The following BABAM2 variants were observed in gnomAD, a reference collection of about 807,000 sequenced individuals.
BABAM2 encodes BRISC and BRCA1 A complex member 2.
BABAM2 carries 31 observed loss-of-function variants against 54.7 expected under a neutral mutation model. That is an observed-to-expected ratio of 0.57 (90% confidence interval 0.43 to 0.77). The LOEUF is 0.77. BABAM2 is among the 30% of genes least tolerant of loss of function. The pLI, the probability that BABAM2 is intolerant of heterozygous loss-of-function variation, is 0.00. For missense variants in BABAM2, 364 were observed against 455.8 expected (o/e 0.80, Z 1.83); for synonymous variants, 167 against 162.9 (o/e 1.03, Z -0.19).
chr2:28,260,299 CTTTTTTTTT>C (rs965855673), intron 10 of BABAM2, among the ~76,000 whole-genome samples: 1 of 120,426 alleles, frequency 8.3e-6, no homozygotes, highest in Non-Finnish European at 1.8e-5. Context: ...TATTTCTTTT[CTTTTTTTTT>C]TTTTTTTTTT....
chr2:28,329,865 C>A lies in BABAM2; in HGVS notation c.1089-8585C>A, dbSNP rs1418384919. The stretch of plus-strand genomic sequence containing the variant: ...GCATTATCCTGATACCAAAACCTGG[C>A]AGAGATACAACAAAAAAAGAAAATG... On this transcript the variant is annotated intron_variant, in intron 11 of 11. Transcript: ENST00000379624. This position sits in a 1 kb window ranked among gnomAD's most constrained non-coding sequence, Gnocchi z 4.2. Among the ~76,000 whole-genome samples, 2 of 152,092 alleles carry A rather than the reference C, an allele frequency of 1.3e-5. No homozygotes were observed. The highest frequency in any genetic ancestry group is 4.8e-5 in the African/African-American group (2 of 41,404).
chr2:28,304,303 G>A lies in BABAM2; in HGVS notation c.1088+5812G>A, dbSNP rs898815702. Among the ~76,000 whole-genome samples the A allele has an allele frequency of 3.3e-5, 5 of 151,596 alleles. No homozygotes were observed. The highest frequency in any genetic ancestry group is 1.9e-4 in the East Asian group (1 of 5,174). ...ACTCCTGACTTCAGGTGATCCACCC[G>A]CCTCGGCCTCCCAAAGTGCTGGCAT... On this transcript the variant is annotated intron_variant, in intron 11 of 11. Transcript: ENST00000379624. This position sits in a 1 kb window ranked among gnomAD's most constrained non-coding sequence, Gnocchi z 4.0.
At chr2:28,132,760 A>G (rs974277008) in intron 7 of BABAM2, among the ~76,000 whole-genome samples, 1 of 152,294 alleles carries the variant, frequency 6.6e-6, no homozygotes, top group Non-Finnish European at 1.5e-5. Context: ...TATTAATCTT[A>G]TAATCTATAT....
At chr2:28,064,843 G>T (rs1679177411) in intron 6 of BABAM2, among the ~76,000 whole-genome samples, 1 of 151,944 alleles carries the variant, frequency 6.6e-6, no homozygotes, top group African/African-American at 2.4e-5. Flanking sequence ...CTCTACTAAA[G>T]AATACAAAAA....
At chr2:28,157,981 A>G (rs1319240266) in intron 7 of BABAM2, among the ~76,000 whole-genome samples, 1 of 152,202 alleles carries the variant, frequency 6.6e-6, no homozygotes. Context: ...CCCACCTACT[A>G]ATGATATAAT....
intron 11 of BABAM2, among the ~76,000 whole-genome samples, chr2:28,315,637 T>A (rs761201264): frequency 2.7e-5 from 4 of 150,698 alleles, no homozygotes; most frequent in Non-Finnish European, 5.9e-5. Flanking sequence ...TGGGCTGATT[T>A]TTTATTTATT....
At chr2:28,176,568 T>TTAAAAAAA (rs1674973519) in intron 7 of BABAM2, among the ~76,000 whole-genome samples, 1 of 570 alleles carries the variant, frequency 1.8e-3, no homozygotes, top group Non-Finnish European at 5.4e-3. Flanking sequence ...AGACTCTATC[T>TTAAAAAAA]CAAAAAAAAA....
chr2:28,048,693 A>G (rs1677785789), intron 6 of BABAM2, among the ~76,000 whole-genome samples: 1 of 152,160 alleles, frequency 6.6e-6, no homozygotes, highest in Non-Finnish European at 1.5e-5. Flanking sequence ...TCAGTTGTGT[A>G]CCCCTGAACT....
chr2:28,094,907 CTTTTTTTTTTTTT>C (rs202097046), intron 6 of BABAM2, among the ~76,000 whole-genome samples: 2 of 130,662 alleles, frequency 1.5e-5, no homozygotes, highest in Admixed American at 7.8e-5. Flanking sequence ...GCTCCCTCTT[CTTTTTTTTTTTTT>C]TTTCACAATG....
intron 6 of BABAM2, among the ~76,000 whole-genome samples, chr2:28,091,793 A>G (rs1305325773): frequency 6.6e-6 from 1 of 152,194 alleles, no homozygotes; most frequent in Admixed American, 6.5e-5. Context: ...TGGGAAAATA[A>G]TATTTTGTCA....
chr2:28,230,442 G>A (rs1390693791), intron 7 of BABAM2, among the ~76,000 whole-genome samples: 9 of 151,718 alleles, frequency 5.9e-5, no homozygotes, highest in Admixed American at 3.9e-4. Flanking sequence ...AAGTCCGGGC[G>A]TGATGGCTCA....
intron 2 of BABAM2, among the ~76,000 whole-genome samples, chr2:27,905,252 T>C (rs1666105111): frequency 6.6e-6 from 1 of 152,096 alleles, no homozygotes; most frequent in African/African-American, 2.4e-5. Flanking sequence ...GGGCAGAAGC[T>C]GGAAGTCAGA....
chr2:28,288,704 T>C (rs1687026821), intron 10 of BABAM2, among the ~76,000 whole-genome samples: 1 of 152,258 alleles, frequency 6.6e-6, no homozygotes, highest in Non-Finnish European at 1.5e-5. Context: ...TTTTCCTTTC[T>C]ATGAGATATT....
At chr2:28,070,551 C>CTTTTTTTTTT (rs779324534) in intron 6 of BABAM2, among the ~76,000 whole-genome samples, 5 of 85,864 alleles carry the variant, frequency 5.8e-5, no homozygotes, top group African/African-American at 6.4e-5. Flanking sequence ...AAGTACTTTT[C>CTTTTTTTTTT]TTTTCTTTTT....
chr2:28,067,187 C>T (rs1255483120), intron 6 of BABAM2, among the ~76,000 whole-genome samples: 1 of 152,232 alleles, frequency 6.6e-6, no homozygotes, highest in East Asian at 1.9e-4. Flanking sequence ...CTGCCTCTGC[C>T]TCCCACAGTG....
chr2:27,953,935 G>T (rs2148413347), intron 3 of BABAM2, among the ~76,000 whole-genome samples: 1 of 152,276 alleles, frequency 6.6e-6, no homozygotes, highest in African/African-American at 2.4e-5. Context: ...GCTAGCCTGA[G>T]GAGAAAGAGA....
In BABAM2 at chr2:28,304,384, A is replaced by T. The variant is rs1688345329; in HGVS notation, c.1088+5893A>T. The stretch of plus-strand genomic sequence containing the variant: ...TTTTGCTTTTATTGTAAATTATATA[A>T]AAATATAAATATAAAATATTTATAA... On this transcript the variant is annotated intron_variant, in intron 11 of 11. Transcript: ENST00000379624. The surrounding 1 kb of genome is among the most constrained non-coding windows in gnomAD (Gnocchi z 4.0). Among the ~76,000 whole-genome samples the T allele has an allele frequency of 6.7e-6, 1 of 149,864 alleles. No homozygotes were observed. Among genetic ancestry groups the T allele is most frequent in the Admixed American group, 6.7e-5 (1 of 15,024 alleles).
intron 4 of BABAM2, among the ~76,000 whole-genome samples, chr2:27,991,986 G>A (rs1287941450): frequency 6.6e-6 from 1 of 152,206 alleles, no homozygotes; most frequent in East Asian, 1.9e-4. Context: ...AAGTGTATGA[G>A]TGTTTCAGTT....
rs1690068320 is a variant in BABAM2, at chr2:28,322,087, G to A, written c.1089-16363G>A. Among the ~76,000 whole-genome samples, 1 of 152,098 alleles carries A rather than the reference G, an allele frequency of 6.6e-6. No homozygotes were observed. The highest frequency in any genetic ancestry group is 2.4e-5 in the African/African-American group (1 of 41,402). On this transcript the variant is annotated intron_variant, in intron 11 of 11. Transcript: ENST00000379624. This position sits in a 1 kb window ranked among gnomAD's most constrained non-coding sequence, Gnocchi z 4.1. ...TTCAGTCATTCAACAGAAAATTAGG[G>A]TACTTCTGTGTCACTGAGGTGCAGC...
Sources: gnomAD v4.1 joint callset for allele counts (sites outside exome capture counted in the v4.1 genomes callset) on GRCh38, gnomAD v4.1.1 for gene constraint, Gnocchi (gnomAD v3.1) non-coding constraint, MANE v1.5 for transcripts, NCBI Gene and HGNC (gene_info 2026-07-23, HGNC 2026-07-21) for gene names.